Variants in TEK observed in about 807,000 individuals in gnomAD.
TEK encodes the protein angiopoietin-1 receptor.
A neutral mutation model predicts 131.8 loss-of-function variants in TEK; 43 were observed. That is an observed-to-expected ratio of 0.33 (90% CI 0.26 to 0.42). The LOEUF (loss-of-function observed/expected upper bound fraction) is 0.42, where lower values mean the gene tolerates loss of function less well. Ranked by LOEUF, TEK falls within the 10% of genes least tolerant of loss-of-function variation. The probability of loss-of-function intolerance (pLI) is 1.00; values close to 1 mark genes in which losing one functional copy is unlikely to be tolerated. For missense variants in TEK, 1,162 were observed against 1,384.4 expected (o/e 0.84, Z 2.55); for synonymous variants, 580 against 491.6 (o/e 1.18, Z -2.38).
At chr9:27,196,287 A>G (rs1213469660) in intron 11 of TEK, among the ~76,000 whole-genome samples, 3 of 152,142 alleles carry the variant, frequency 2.0e-5, no homozygotes, top group Non-Finnish European at 4.4e-5. Context: ...CTGAATGGCT[A>G]TATCATAATT....
chr9:27,202,311 C>G lies in TEK; in HGVS notation c.1910-509C>G, dbSNP rs1400136160. ...GAGGGCAAGGACTGACCACATGACA[C>G]TAAGACTATGGACTACAGAGCCAGA... is the stretch of plus-strand genomic sequence containing the variant. On this transcript the variant is annotated intron_variant, in intron 12 of 22. Transcript: ENST00000380036. Among the ~76,000 whole-genome samples, 10 of 152,210 alleles carry G rather than the reference C, an allele frequency of 6.6e-5. 1 individual carries two copies. The highest frequency in any genetic ancestry group is 1.7e-4 in the African/African-American group (7 of 41,462).
chr9:27,178,245 T>C (rs1191913266), intron 6 of TEK, among the ~76,000 whole-genome samples: 1 of 152,086 alleles, frequency 6.6e-6, no homozygotes, highest in Non-Finnish European at 1.5e-5. Context: ...GTGTTCTTCA[T>C]ACTTTTGTTG....
At chr9:27,184,700 TG>T (rs1332097798) in intron 8 of TEK, among the ~76,000 whole-genome samples, 4 of 151,930 alleles carry the variant, frequency 2.6e-5, no homozygotes. Flanking sequence ...TTGGCGGAAG[TG>T]GGAACTGGCT....
At chr9:27,165,972 C>T (rs1823715032) in intron 2 of TEK, among the ~76,000 whole-genome samples, 1 of 152,270 alleles carries the variant, frequency 6.6e-6, no homozygotes, top group Admixed American at 6.5e-5. Context: ...CTTTTGCCCT[C>T]ACAGGGTAGT....
chr9:27,219,324 C>G (rs948581391), intron 20 of TEK, among the ~76,000 whole-genome samples: 2 of 152,186 alleles, frequency 1.3e-5, no homozygotes, highest in Non-Finnish European at 2.9e-5. Flanking sequence ...GGAATGAGTT[C>G]GTGTCCTTTG....
At chr9:27,174,593 C>T (rs953285641) in intron 6 of TEK, among the ~76,000 whole-genome samples, 3 of 152,112 alleles carry the variant, frequency 2.0e-5, no homozygotes, top group African/African-American at 4.8e-5. Flanking sequence ...CATAGCCACA[C>T]GTGGCTAACT....
At chr9:27,214,815 A>G (rs1054606790) in intron 18 of TEK, among the ~76,000 whole-genome samples, 2 of 152,086 alleles carry the variant, frequency 1.3e-5, no homozygotes, top group African/African-American at 2.4e-5. Context: ...CAACATCAAC[A>G]CTTTCAGAAG....
intron 18 of TEK, among the ~76,000 whole-genome samples, chr9:27,217,454 C>A (rs778411562): frequency 6.6e-6 from 1 of 152,220 alleles, no homozygotes; most frequent in East Asian, 1.9e-4. Context: ...GACTACCATG[C>A]GTGCACACTC....
chr9:27,113,252 G>A (rs1232804349), intron 1 of TEK, among the ~76,000 whole-genome samples: 4 of 152,180 alleles, frequency 2.6e-5, no homozygotes, highest in Non-Finnish European at 5.9e-5. Flanking sequence ...AGAATCAAAT[G>A]TGATAATGCC....
At chr9:27,218,650 A>G (rs1042935579) in intron 19 of TEK, 127 bp from the exon 20 acceptor site, 3 of 909,486 alleles carry the variant, frequency 3.3e-6, no homozygotes, top group African/African-American at 1.6e-5. Context: ...GCAAGGGCCT[A>G]TCCTAGGATG....
chr9:27,122,849 C>T lies in TEK; in HGVS notation c.52+13207C>T, dbSNP rs1291820265. On this transcript the variant is annotated intron_variant, in intron 1 of 22. Coordinates refer to ENST00000380036, the MANE Select transcript of TEK (RefSeq NM_000459.5). The stretch of plus-strand genomic sequence containing the variant: ...CAGCTAGATCACGAGGTCAGGAGAT[C>T]GAGACCATCCTGGCTAATACAGTGA... Among the ~76,000 whole-genome samples the T allele has an allele frequency of 3.3e-5, 5 of 151,538 alleles. No homozygotes were observed. In the South Asian group the frequency reaches 6.2e-4, roughly 19 times the overall value.
chr9:27,215,127 G>A (rs762262727), intron 18 of TEK, among the ~76,000 whole-genome samples: 2 of 152,128 alleles, frequency 1.3e-5, no homozygotes, highest in Non-Finnish European at 2.9e-5. Context: ...CATTCTATTT[G>A]GATGCTCTCC....
At chr9:27,199,170 G>C (rs550081720) in intron 12 of TEK, among the ~76,000 whole-genome samples, 25 of 152,120 alleles carry the variant, frequency 1.6e-4, no homozygotes, top group Admixed American at 3.9e-4. Context: ...TTTTTGAATG[G>C]ACATTATGAA....
intron 1 of TEK, among the ~76,000 whole-genome samples, chr9:27,112,189 A>G (rs1487990620): frequency 6.6e-6 from 1 of 152,026 alleles, no homozygotes; most frequent in Non-Finnish European, 1.5e-5. Context: ...ATGAGCCACC[A>G]CGCCCGCCCT....
At chr9:27,197,181 A>C in intron 11 of TEK, 134 bp from the exon 12 acceptor site, 1 of 899,586 alleles carries the variant, frequency 1.1e-6, no homozygotes, top group African/African-American at 1.7e-5. Flanking sequence ...AGTCACACTC[A>C]TCAACCAATC....
chr9:27,219,923 G>T (rs1488141272), intron 20 of TEK, 126 bp from the exon 21 acceptor site: 34 of 940,724 alleles, frequency 3.6e-5, no homozygotes, highest in East Asian at 2.4e-5. Context: ...AGGGAGGCAT[G>T]CAGGATGCTC....
rs1227068911 is a variant in TEK at position 27,154,151 on chromosome 9, GTCTC to G, written c.53-3676_53-3673del. ...GCCATTTTTTTCTCTCTCTCTTTCT[GTCTC>G]TCTTTTATTTATTTATTTATTTTTA... On this transcript the variant is annotated intron_variant, in intron 1 of 22. Transcript: ENST00000380036. 3.9e-5 allele frequency among the ~76,000 whole-genome samples: 6 copies of G among 152,024 alleles called. No homozygotes were observed. The East Asian group carries it at 1.2e-3, about 29-fold the overall frequency.
chr9:27,174,860 A>G (rs1824102860), intron 6 of TEK, among the ~76,000 whole-genome samples: 1 of 152,148 alleles, frequency 6.6e-6, no homozygotes. Context: ...TACGCAAACT[A>G]TGAACACTTT....
chr9:27,115,393 G>A (rs1290307486), intron 1 of TEK, among the ~76,000 whole-genome samples: 1 of 152,058 alleles, frequency 6.6e-6, no homozygotes, highest in Non-Finnish European at 1.5e-5. Context: ...CAGCTACTCG[G>A]GTGGCTGAAG....
Sources: allele counts gnomAD v4.1 joint callset (sites outside exome capture counted in the v4.1 genomes callset), GRCh38; gene constraint gnomAD v4.1.1; transcripts MANE v1.5; gene names NCBI Gene and HGNC (gene_info 2026-07-23, HGNC 2026-07-21).